ZNF775: variants seen among roughly 807,000 people sequenced by gnomAD.
ZNF775 encodes the protein zinc finger protein 775.
ZNF775 carries 1 observed loss-of-function variant against 2.4 expected under a neutral mutation model. The observed-to-expected ratio is 0.41, with a 90% CI of 0.15 to 1.94. ZNF775 has a LOEUF of 1.94. ZNF775 is among the 30% of genes most tolerant of loss of function. ZNF775 has a pLI of 0.30. For missense variants in ZNF775, 823 were observed against 826.6 expected, an observed-to-expected ratio of 1.00 and a Z score of 0.05; for synonymous variants, 381 against 373.3, an observed-to-expected ratio of 1.02 and a Z score of -0.24.
At chr7:150,392,699 A>G (rs1161591009) in intron 2 of ZNF775, among the ~76,000 whole-genome samples, 1 of 152,020 alleles carries the variant, frequency 6.6e-6, no homozygotes, top group African/African-American at 2.4e-5. Flanking sequence ...ACACCCAGCT[A>G]ATTTAATAAA....
chr7:150,381,034 C>T (rs1232980016), intron 1 of ZNF775, among the ~76,000 whole-genome samples: 1 of 152,194 alleles, frequency 6.6e-6, no homozygotes, highest in African/African-American at 2.4e-5. Flanking sequence ...AAATGTGACA[C>T]CTCTTCAGAG....
chr7:150,383,373 C>G (rs934598048), intron 1 of ZNF775, among the ~76,000 whole-genome samples: 2 of 152,212 alleles, frequency 1.3e-5, no homozygotes, highest in South Asian at 2.1e-4. Flanking sequence ...ACACATTACA[C>G]ACCTTCTGCA....
chr7:150,386,598 G>C (rs1800458718), intron 1 of ZNF775, among the ~76,000 whole-genome samples: 1 of 152,102 alleles, frequency 6.6e-6, no homozygotes, highest in African/African-American at 2.4e-5. Flanking sequence ...GGCCGAGCCA[G>C]GGTGCCTGGG....
intron 2 of ZNF775, among the ~76,000 whole-genome samples, chr7:150,396,165 C>T (rs1186090245): frequency 1.3e-5 from 2 of 152,182 alleles, no homozygotes; most frequent in African/African-American, 2.4e-5. Flanking sequence ...TGCATCTCCT[C>T]GGCCTCAGGG....
chr7:150,381,764 T>C (rs1219405190), intron 1 of ZNF775, among the ~76,000 whole-genome samples: 3 of 152,118 alleles, frequency 2.0e-5, no homozygotes, highest in Admixed American at 6.5e-5. Flanking sequence ...GGTTGGACAG[T>C]GGCCCGCCCT....
rs139906041 is a variant in ZNF775 at position 150,383,649 on chromosome 7, G to A, written c.-50+4257G>A. Among the ~76,000 whole-genome samples, 12 of 152,340 alleles carry A rather than the reference G, an allele frequency of 7.9e-5. No homozygotes were observed. The East Asian group carries it at 2.3e-3, about 29-fold the overall frequency. ...TCTCCTATGGAAGACCAGCTGAGCT[G>A]TGCCCAGCAAGTGAGGACCTGCTGG... On this transcript the variant is annotated intron_variant, in intron 1 of 2. Transcript: ENST00000329630.
chr7:150,389,736 C>T (rs943316050), intron 2 of ZNF775, among the ~76,000 whole-genome samples: 1 of 152,178 alleles, frequency 6.6e-6, no homozygotes, highest in African/African-American at 2.4e-5. Flanking sequence ...AGCCTAGACT[C>T]CTGGAGACAC....
chr7:150,388,755 C>G (rs908236883), intron 2 of ZNF775, among the ~76,000 whole-genome samples: 2 of 152,204 alleles, frequency 1.3e-5, no homozygotes, highest in African/African-American at 4.8e-5. Flanking sequence ...GACACATGTG[C>G]ACCCATGCCT....
At chr7:150,389,234 C>T (rs1007692884) in intron 2 of ZNF775, among the ~76,000 whole-genome samples, 3 of 152,322 alleles carry the variant, frequency 2.0e-5, no homozygotes, top group East Asian at 1.9e-4. Flanking sequence ...CAGTGTGACT[C>T]GGGTTTCTTT....
chr7:150,396,136 G>A (rs528700289), intron 2 of ZNF775, among the ~76,000 whole-genome samples: 22 of 152,070 alleles, frequency 1.4e-4, no homozygotes, highest in South Asian at 4.1e-4. Flanking sequence ...TCACTGGATC[G>A]GTTTCTTTAA....
rs966590925 is a variant in ZNF775 at position 150,386,928 on chromosome 7, A to G, written c.-49-1494A>G. 2.0e-5 allele frequency among the ~76,000 whole-genome samples: 3 copies of G among 152,166 alleles called. No homozygotes were observed. The East Asian group carries it at 5.8e-4, about 29-fold the overall frequency. ...CTGACCTTGCTGTGGTGGGGAACAGAAAAGTTAAGATCATGTCAGGTGGCA... is the reference window on the plus strand; with the variant it reads ...CTGACCTTGCTGTGGTGGGGAACAGGAAAGTTAAGATCATGTCAGGTGGCA... On this transcript the variant is annotated intron_variant, in intron 1 of 2. Transcript: ENST00000329630.
intron 2 of ZNF775, among the ~76,000 whole-genome samples, chr7:150,392,575 C>G (rs2129621139): frequency 6.6e-6 from 1 of 150,940 alleles, no homozygotes; most frequent in Non-Finnish European, 1.5e-5. Flanking sequence ...CTCTCTCTCT[C>G]TCTCTCTCTC....
intron 2 of ZNF775, among the ~76,000 whole-genome samples, chr7:150,394,476 A>G (rs1800613281): frequency 1.3e-5 from 2 of 152,140 alleles, no homozygotes; most frequent in Non-Finnish European, 2.9e-5. Flanking sequence ...TTCCTCAAGG[A>G]CAGCCGGCTG....
intron 2 of ZNF775, 135 bp downstream of exon 2, chr7:150,388,636 A>C: frequency 2.0e-6 from 2 of 1,015,634 alleles, no homozygotes; most frequent in Non-Finnish European, 3.0e-6. Context: ...GCAGAATTTC[A>C]GGGTGGGGAC....
Position 150,382,294 on chromosome 7 carries a change from A to G in ZNF775, c.-50+2902A>G, listed in dbSNP as rs934071989. Among the ~76,000 whole-genome samples, 1 of 152,178 alleles carries G rather than the reference A, an allele frequency of 6.6e-6. No individual in the cohort carries two copies. The highest frequency in any genetic ancestry group is 2.4e-5 in the African/African-American group (1 of 41,428). On this transcript the variant is annotated intron_variant, in intron 1 of 2. Transcript: ENST00000329630. The surrounding 1 kb of genome is among the most constrained non-coding windows in gnomAD (Gnocchi z 4.6). ...GGCTTGTACAGATACTGCCCGATGC[A>G]TCCGGCTCAGGCTTGCCGCCCTGTG... is the stretch of plus-strand genomic sequence containing the variant.
At chr7:150,389,321 G>T (rs1397924814) in intron 2 of ZNF775, among the ~76,000 whole-genome samples, 1 of 152,160 alleles carries the variant, frequency 6.6e-6, no homozygotes, top group African/African-American at 2.4e-5. Context: ...GGGAAGAGCC[G>T]CCTCCCCTCC....
intron 2 of ZNF775, 80 bp from the exon 3 acceptor site, chr7:150,396,433 T>C (rs1800651206): frequency 1.4e-6 from 2 of 1,462,088 alleles, no homozygotes; most frequent in African/African-American, 1.4e-5. Flanking sequence ...CACTTCCCTC[T>C]CTCTTGCTCC....
In ZNF775 at chr7:150,392,545, A is replaced by ATCTCTCTCTCTCTCTCTCTC. The variant is rs56067146; in HGVS notation, c.32-3946_32-3927dup. 3.7e-4 allele frequency among the ~76,000 whole-genome samples: 51 copies of ATCTCTCTCTCTCTCTCTCTC among 136,640 alleles called. 4 individuals carry two copies. Among genetic ancestry groups the ATCTCTCTCTCTCTCTCTCTC allele is most frequent in the African/African-American group, 1.5e-3 (50 of 33,614 alleles). The allele number at this position is 136,640 out of a possible 152,430, so 89.6% of individuals were successfully genotyped here. A position where few individuals can be genotyped will look rare whatever the true frequency, so the allele number is the denominator to read the frequency against. On this transcript the variant is annotated intron_variant, in intron 2 of 2. Transcript: ENST00000329630. ...TTTATTTTCTTTTTTTCCCAAATGG[A>ATCTCTCTCTCTCTCTCTCTC]TCTCTCTCTCTCTCTCTCTCTCTCT...
At chr7:150,396,366 C>G (rs1283424201) in intron 2 of ZNF775, 147 bp from the exon 3 acceptor site, 26 of 980,024 alleles carry the variant, frequency 2.7e-5, no homozygotes, top group Non-Finnish European at 3.8e-5. Flanking sequence ...ATTTAAAAAT[C>G]TTTCCCTTCT....
Sources: allele counts gnomAD v4.1 joint callset (sites outside exome capture counted in the v4.1 genomes callset), GRCh38; gene constraint gnomAD v4.1.1; non-coding constraint Gnocchi (gnomAD v3.1); transcripts MANE v1.5; gene names NCBI Gene and HGNC (gene_info 2026-07-23, HGNC 2026-07-21).